Variants in PSMD13 observed in about 807,000 individuals in gnomAD.
The protein encoded by PSMD13 is 26S proteasome non-ATPase regulatory subunit 13.
A neutral mutation model predicts 57.4 loss-of-function variants in PSMD13; 8 were observed. The ratio of observed to expected loss-of-function variants is 0.14; its 90% CI spans 0.08 to 0.25. The LOEUF (loss-of-function observed/expected upper bound fraction) is 0.25. PSMD13 is among the 10% of genes least tolerant of loss of function. The pLI is 1.00. For missense variants in PSMD13, 400 were observed against 461.5 expected (o/e 0.87, Z 1.22); for synonymous variants, 193 against 168.2 (o/e 1.15, Z -1.14).
Position 252,090 on chromosome 11 carries a change from G to T in PSMD13, c.1035+154G>T. On this transcript the variant is annotated intron_variant, in intron 12 of 12. Coordinates refer to ENST00000532097, the MANE Select transcript of PSMD13 (RefSeq NM_002817.4). The surrounding 1 kb of genome is among the most constrained non-coding windows in gnomAD (Gnocchi z 4.1). The stretch of plus-strand genomic sequence containing the variant: ...AAATACTGCTGTTGGGTTTTTCTAA[G>T]AGCCTAATTTAATGCAAGCCTAGGG... The T allele has an allele frequency of 1.4e-6, 1 of 713,608 alleles. No homozygotes were observed. The highest frequency in any genetic ancestry group is 2.7e-5 in the East Asian group (1 of 37,706). 44.2% of individuals were successfully genotyped at this position (713,608 alleles called of 1,614,324 possible).
At chr11:243,362 A>T in intron 2 of PSMD13, 1 of 349,196 alleles carries the variant, frequency 2.9e-6, no homozygotes, top group East Asian at 6.5e-5. Flanking sequence ...ATTAAGTCCA[A>T]CTGCTAAACA....
intron 4 of PSMD13, 89 bp from the exon 5 acceptor site, chr11:244,337 C>G (rs931428280): frequency 8.9e-6 from 14 of 1,576,854 alleles, no homozygotes; most frequent in Non-Finnish European, 1.1e-5. Flanking sequence ...ACTTTATGGT[C>G]AAAACCTAAA....
chr11:238,881 T>C, intron 1 of PSMD13, 117 bp from the exon 2 acceptor site: 1 of 993,434 alleles, frequency 1.0e-6, no homozygotes, highest in Non-Finnish European at 1.6e-6. Context: ...TTTGGAGTTT[T>C]GGAGTTTTGG....
chr11:240,101 C>CTTTTTTTTATTTTTTT (rs1859482276), intron 2 of PSMD13, among the ~76,000 whole-genome samples: 1 of 51,412 alleles, frequency 1.9e-5, no homozygotes, highest in Non-Finnish European at 3.4e-5. Context: ...ATGAGACCTG[C>CTTTTTTTTATTTTTTT]TTTTTTTTTT....
chr11:246,939 G>C (rs10400399), intron 6 of PSMD13, among the ~76,000 whole-genome samples: 3,597 of 152,192 alleles, frequency 0.024, 128 homozygotes, highest in African/African-American at 0.077. Context: ...AATTGCTGGT[G>C]GGTTATAAAT....
At chr11:238,548 G>A (rs982635767) in intron 1 of PSMD13, among the ~76,000 whole-genome samples, 2 of 152,284 alleles carry the variant, frequency 1.3e-5, no homozygotes, top group East Asian at 3.9e-4. Flanking sequence ...GCTCATGCCT[G>A]TAATCCCTGC....
intron 4 of PSMD13, 52 bp downstream of exon 4, chr11:244,268 T>G: frequency 6.3e-7 from 1 of 1,595,246 alleles, no homozygotes. Context: ...TGGTTAAAAT[T>G]GAAATATAAG....
intron 7 of PSMD13, chr11:247,659 C>T (rs978469145): frequency 2.4e-6 from 1 of 420,766 alleles, no homozygotes; most frequent in Non-Finnish European, 4.2e-6. Flanking sequence ...TGGTGAAACC[C>T]TGTCTCTACT....
At chr11:239,159 A>C in intron 2 of PSMD13, 83 bp downstream of exon 2, 1 of 1,250,018 alleles carries the variant, frequency 8.0e-7, no homozygotes, top group Non-Finnish European at 1.2e-6. Context: ...TGCTAATAAT[A>C]ATAATAAGCT....
Position 249,023 on chromosome 11 carries a change from G to A in PSMD13, c.740G>A (p.Arg247Gln), listed in dbSNP as rs184893349. The change falls in exon 9 of 13, where the codon CGG (arginine) becomes CAG (glutamine). Residue 247 changes from arginine (R) to glutamine (Q), a missense_variant. Arg to Gln is a conservative substitution (Grantham distance 43). Coordinates refer to ENST00000532097, the MANE Select transcript of PSMD13 (RefSeq NM_002817.4). ...LYAFNSGNVERFQTLKTAWGQ... is the reference protein window; with the variant it reads ...LYAFNSGNVEQFQTLKTAWGQ... Reference sequence around the variant, plus strand: ...GCCTTCAACAGTGGCAACGTAGAGCGGTTCCAGACTCTGAAGACTGCCTGG... The same window carrying A: ...GCCTTCAACAGTGGCAACGTAGAGCAGTTCCAGACTCTGAAGACTGCCTGG... 359 of 1,613,698 alleles carry A rather than the reference G, an allele frequency of 2.2e-4. 1 individual carries two copies. The East Asian group carries it at 2.5e-3, about 11-fold the overall frequency.
intron 7 of PSMD13, 64 bp from the exon 8 acceptor site, chr11:248,712 T>A: frequency 6.7e-7 from 1 of 1,497,576 alleles, no homozygotes. Context: ...ATATGAGATT[T>A]TTAAAGCTAA....
intron 5 of PSMD13, 51 bp downstream of exon 5, chr11:244,520 G>A: frequency 6.4e-7 from 1 of 1,567,024 alleles, no homozygotes; most frequent in Non-Finnish European, 8.8e-7. Context: ...GAGTATGTAT[G>A]ACTTAACAGC....
At chr11:248,349 C>G (rs1859699401) in intron 7 of PSMD13, among the ~76,000 whole-genome samples, 1 of 152,052 alleles carries the variant, frequency 6.6e-6, no homozygotes, top group Non-Finnish European at 1.5e-5. Context: ...TACTGTATGT[C>G]AAGAAAAATA....
rs1022060044 is a variant in PSMD13, at chr11:251,991, A to G, written c.1035+55A>G. 12 of 1,497,832 alleles carry G rather than the reference A, an allele frequency of 8.0e-6. No homozygotes were observed. In the African/African-American group the frequency reaches 8.3e-5, roughly 10 times the overall value. The allele number at this position is 1,497,832 out of a possible 1,614,324, so 92.8% of individuals were successfully genotyped here. The stretch of plus-strand genomic sequence containing the variant: ...CTGTGGATTTTGAGGGGTTGTGTCT[A>G]TACCGTCTTAGTTTCATTTGGATGG... On this transcript the variant is annotated intron_variant, in intron 12 of 12. Coordinates refer to ENST00000532097, the MANE Select transcript of PSMD13 (RefSeq NM_002817.4). This position sits in a 1 kb window ranked among gnomAD's most constrained non-coding sequence, Gnocchi z 4.6.
chr11:249,372 G>A (rs1859724056), intron 9 of PSMD13, among the ~76,000 whole-genome samples: 1 of 152,080 alleles, frequency 6.6e-6, no homozygotes, highest in Non-Finnish European at 1.5e-5. Flanking sequence ...GTGACCTTAG[G>A]AATGAGTGAA....
At chr11:245,465 G>A (rs556914421) in intron 6 of PSMD13, among the ~76,000 whole-genome samples, 2 of 152,304 alleles carry the variant, frequency 1.3e-5, no homozygotes, top group South Asian at 2.1e-4. Flanking sequence ...ACACACCACT[G>A]GCATGTCACG....
chr11:237,196 G>T, intron 1 of PSMD13, 52 bp downstream of exon 1: 3 of 1,542,778 alleles, frequency 1.9e-6, no homozygotes, highest in Non-Finnish European at 2.7e-6. Context: ...GGAGACGGAG[G>T]GGGCAGGCGG....
intron 9 of PSMD13, 139 bp from the exon 10 acceptor site, chr11:250,664 G>C: frequency 1.5e-6 from 1 of 684,362 alleles, no homozygotes. Context: ...AGCTTCAGCA[G>C]TCTGCAATGT....
intron 5 of PSMD13, 75 bp from the exon 6 acceptor site, chr11:244,600 T>C: frequency 6.6e-7 from 1 of 1,522,968 alleles, no homozygotes; most frequent in East Asian, 2.3e-5. Context: ...TAAGTTAATG[T>C]ACAAGTAGCT....
Sources: allele counts gnomAD v4.1 joint callset (sites outside exome capture counted in the v4.1 genomes callset), GRCh38; gene constraint gnomAD v4.1.1; non-coding constraint Gnocchi (gnomAD v3.1); transcripts MANE v1.5; gene names NCBI Gene and HGNC (gene_info 2026-07-23, HGNC 2026-07-21).